Variants in SMCHD1 observed in about 807,000 individuals in gnomAD.
The protein encoded by SMCHD1 is structural maintenance of chromosomes flexible hinge domain containing 1.
In SMCHD1, 78 loss-of-function variants were observed where a neutral mutation model predicts 254.7. The ratio of observed to expected loss-of-function variants is 0.31; its 90% CI spans 0.26 to 0.37. The LOEUF (loss-of-function observed/expected upper bound fraction) is 0.37, where lower values mean the gene tolerates loss of function less well. Among genes scored for constraint, SMCHD1 ranks in the 10% least tolerant of loss-of-function variants. The probability of loss-of-function intolerance (pLI) is 1.00; values close to 1 mark genes in which losing one functional copy is unlikely to be tolerated. For missense variants in SMCHD1, 1,840 were observed against 2,408.1 expected (o/e 0.76, Z 4.94); for synonymous variants, 766 against 794.9 (o/e 0.96, Z 0.61).
At chr18:2,676,066 A>G (rs1237988939) in intron 5 of SMCHD1, among the ~76,000 whole-genome samples, 1 of 152,136 alleles carries the variant, frequency 6.6e-6, no homozygotes, top group Non-Finnish European at 1.5e-5. Flanking sequence ...TTCAGCCTCT[A>G]GCTTCTGCTC....
At chr18:2,795,403 G>A (rs906424755) in intron 45 of SMCHD1, among the ~76,000 whole-genome samples, 20 of 152,142 alleles carry the variant, frequency 1.3e-4, no homozygotes, top group African/African-American at 4.6e-4. Flanking sequence ...TTTTGGAAGC[G>A]ATGATTTTCT....
Position 2,688,646 on chromosome 18 carries a change from G to T in SMCHD1, c.772G>T (p.Asp258Tyr). 6.4e-7 allele frequency: 1 copy of T among 1,557,952 alleles called. No homozygotes were observed. Among genetic ancestry groups the T allele is most frequent in the Non-Finnish European group, 8.7e-7 (1 of 1,152,396 alleles). The stretch of plus-strand genomic sequence containing the variant: ...TTAACAGATGATAAGCAAACCTGCA[G>T]ATTCCCAAGATGTTCACGAGCTTGT... ...QSARMISKPA[D>Y]SQDVHELVLS... The change falls in exon 7 of 48, where the codon GAT becomes TAT. Residue 258 changes from aspartate to tyrosine, a missense_variant. Physicochemically the swap from Asp to Tyr is radical, Grantham distance 160. Around this residue, in one of 9 missense-constraint regions of SMCHD1, gnomAD observed 498 missense variants for 743.5 expected, o/e 0.67. Coordinates refer to ENST00000320876, the MANE Select transcript of SMCHD1 (RefSeq NM_015295.3).
intron 17 of SMCHD1, among the ~76,000 whole-genome samples, chr18:2,710,689 A>G (rs554274871): frequency 6.6e-6 from 1 of 152,276 alleles, no homozygotes; most frequent in South Asian, 2.1e-4. Context: ...TGGTCTGGCT[A>G]GGACTTAAAA....
intron 5 of SMCHD1, among the ~76,000 whole-genome samples, chr18:2,682,736 A>T (rs2073962070): frequency 6.6e-6 from 1 of 152,200 alleles, no homozygotes; most frequent in African/African-American, 2.4e-5. Flanking sequence ...ATTTTCTGAA[A>T]TATTTTTGGA....
chr18:2,689,446 C>A (rs2074125006), intron 7 of SMCHD1, among the ~76,000 whole-genome samples: 1 of 151,798 alleles, frequency 6.6e-6, no homozygotes, highest in South Asian at 2.1e-4. Flanking sequence ...GTTTTGAACT[C>A]CTGACCTCAA....
chr18:2,681,790 C>A (rs11660985), intron 5 of SMCHD1, among the ~76,000 whole-genome samples: 3 of 152,156 alleles, frequency 2.0e-5, no homozygotes, highest in African/African-American at 7.2e-5. Flanking sequence ...TGGGTCAGCG[C>A]TACTCTTTCT....
chr18:2,788,079 T>A (rs954557295), intron 45 of SMCHD1, among the ~76,000 whole-genome samples: 3 of 152,140 alleles, frequency 2.0e-5, no homozygotes, highest in African/African-American at 7.2e-5. Context: ...AGCAAACAGT[T>A]TTGGAGACCC....
chr18:2,679,654 C>G (rs1182288995), intron 5 of SMCHD1, among the ~76,000 whole-genome samples: 1 of 151,960 alleles, frequency 6.6e-6, no homozygotes, highest in East Asian at 1.9e-4. Context: ...TTTTGAGATT[C>G]TCTTTTTGTC....
At chr18:2,675,960 AGTT>A (rs1235521783) in intron 5 of SMCHD1, among the ~76,000 whole-genome samples, 2 of 152,174 alleles carry the variant, frequency 1.3e-5, no homozygotes, top group Non-Finnish European at 2.9e-5. Context: ...GTAAACAATC[AGTT>A]GTTATTATAG....
Position 2,718,165 on chromosome 18 carries a change from T to C in SMCHD1, c.2268T>C (p.Ser756=), listed in dbSNP as rs2074844435. 2.5e-6 allele frequency: 4 copies of C among 1,606,050 alleles called. No homozygotes were observed. Among genetic ancestry groups the C allele is most frequent in the Non-Finnish European group, 3.4e-6 (4 of 1,176,326 alleles). ...CTTTTTTCTTTTATTAAGCTTCAAGTGGAAATAAAGAGATTATTTCGCATA... is the reference window on the plus strand; with the variant it reads ...CTTTTTTCTTTTATTAAGCTTCAAGCGGAAATAAAGAGATTATTTCGCATA... The part of the protein sequence containing the change: ...VELKVILHSS[S]GNKEIISHIS... The change falls in exon 18 of 48, where the codon AGT becomes AGC. Residue 756 remains serine, a synonymous_variant. Transcript: ENST00000320876. The surrounding 1 kb of genome is among the most constrained non-coding windows in gnomAD (Gnocchi z 4.6).
At chr18:2,766,744 T>C (rs2075875610) in intron 37 of SMCHD1, among the ~76,000 whole-genome samples, 1 of 152,262 alleles carries the variant, frequency 6.6e-6, no homozygotes, top group South Asian at 2.1e-4. Flanking sequence ...ACATTTCTGA[T>C]GGCAGTGTCT....
chr18:2,702,906 A>G (rs2074435624), intron 12 of SMCHD1, among the ~76,000 whole-genome samples: 1 of 152,122 alleles, frequency 6.6e-6, no homozygotes, highest in Non-Finnish European at 1.5e-5. Context: ...AAAGCATGTA[A>G]TGGGGAGATT....
chr18:2,689,681 G>A (rs1201977699), intron 7 of SMCHD1, among the ~76,000 whole-genome samples: 2 of 151,662 alleles, frequency 1.3e-5, no homozygotes, highest in African/African-American at 4.8e-5. Flanking sequence ...TTCCAACCTT[G>A]GCCTCCCAAA....
chr18:2,708,161 T>G (rs1428975556), intron 17 of SMCHD1, among the ~76,000 whole-genome samples: 2 of 152,198 alleles, frequency 1.3e-5, no homozygotes, highest in Non-Finnish European at 2.9e-5. Flanking sequence ...AGTAAAGGCA[T>G]GATACATATA....
At position 2,681,640 on chromosome 18, in the gene SMCHD1, C is replaced by G. The variant is rs7234811; in HGVS notation, c.639-6754C>G. 1.0e-2 allele frequency among the ~76,000 whole-genome samples: 1,499 copies of G among 150,068 alleles called. 18 individuals are homozygous for G. The highest frequency in any genetic ancestry group is 0.035 in the African/African-American group (1,422 of 40,878). On this transcript the variant is annotated intron_variant, in intron 5 of 47. Coordinates refer to ENST00000320876, the MANE Select transcript of SMCHD1 (RefSeq NM_015295.3). ...ACATTACATAAACCTAGAAAATTCT[C>G]TCATAACTTGGGCACTATAAGAATT...
At chr18:2,728,771 A>G (rs755214350) in intron 23 of SMCHD1, 175 bp downstream of exon 23, 35 of 583,300 alleles carry the variant, frequency 6.0e-5, no homozygotes, top group Non-Finnish European at 8.2e-5. Flanking sequence ...ACCTAAACCA[A>G]TAAAGATGCC....
chr18:2,698,248 G>T lies in SMCHD1; in HGVS notation c.1342+207G>T, dbSNP rs73365816. ...ATTTCTAGATGAATAAATCTTTAAT[G>T]AACTCTTCTTTTAGTTCTGTTACGA... On this transcript the variant is annotated intron_variant, in intron 10 of 47. Coordinates refer to ENST00000320876, the MANE Select transcript of SMCHD1 (RefSeq NM_015295.3). Among the ~76,000 whole-genome samples, 13,531 of 152,058 alleles carry T rather than the reference G, an allele frequency of 0.089. 1,971 individuals are homozygous for T. The highest frequency in any genetic ancestry group is 0.3 in the African/African-American group (12,578 of 41,416).
At chr18:2,802,406 C>T in intron 47 of SMCHD1, 122 bp from the exon 48 acceptor site, 17 of 708,028 alleles carry the variant, frequency 2.4e-5, no homozygotes, top group South Asian at 7.0e-5. Flanking sequence ...CTGTTTATAC[C>T]AAGAATTATA....
At chr18:2,780,201 T>C (rs2143794526) in intron 44 of SMCHD1, among the ~76,000 whole-genome samples, 1 of 113,574 alleles carries the variant, frequency 8.8e-6, no homozygotes, top group South Asian at 3.2e-4. Flanking sequence ...ATCATGCCAC[T>C]GCACTCCAGT....
Sources: allele counts gnomAD v4.1 joint callset (sites outside exome capture counted in the v4.1 genomes callset), GRCh38; gene constraint gnomAD v4.1.1; regional missense constraint gnomAD v4.1.1; non-coding constraint Gnocchi (gnomAD v3.1); transcripts MANE v1.5; gene names NCBI Gene and HGNC (gene_info 2026-07-23, HGNC 2026-07-21).